Variants in ACTR6 observed in about 807,000 individuals in gnomAD.
The protein encoded by ACTR6 is actin-related protein 6.
In ACTR6, 50 loss-of-function variants were observed where a neutral mutation model predicts 52.5. The observed-to-expected ratio is 0.95, with a 90% CI of 0.76 to 1.20. ACTR6 has a LOEUF of 1.20. ACTR6 is among the 50% of genes most tolerant of loss of function. The pLI is 0.00. For synonymous variants in ACTR6, 135 were observed against 147.2 expected (o/e 0.92, Z 0.60); for missense variants, 344 against 472.4 (o/e 0.73, Z 2.52).
At chr12:100,203,645 CT>C (rs1165148598) in intron 1 of ACTR6, 3,494 of 97,914 alleles carry the variant, frequency 0.036, 11 homozygotes, top group Non-Finnish European at 0.043. Context: ...ACTTGTGAAT[CT>C]TTTTTTTTTT....
intron 1 of ACTR6, among the ~76,000 whole-genome samples, chr12:100,203,072 AG>A (rs2096111215): frequency 6.6e-6 from 1 of 152,232 alleles, no homozygotes; most frequent in Admixed American, 6.5e-5. Context: ...AGTTCAAAAT[AG>A]GGTTCCTGCT....
At chr12:100,208,427 C>T (rs999462713) in intron 4 of ACTR6, among the ~76,000 whole-genome samples, 7 of 150,738 alleles carry the variant, frequency 4.6e-5, no homozygotes, top group African/African-American at 9.7e-5. Flanking sequence ...AGGCGTTCGC[C>T]ACCATGCCTG....
intron 6 of ACTR6, among the ~76,000 whole-genome samples, chr12:100,211,793 T>G (rs1035934617): frequency 6.6e-6 from 1 of 152,046 alleles, no homozygotes; most frequent in Non-Finnish European, 1.5e-5. Flanking sequence ...AAGTTTTTGT[T>G]TATTTTTAAA....
intron 4 of ACTR6, chr12:100,209,036 G>A (rs886348851): frequency 2.8e-5 from 8 of 288,724 alleles, no homozygotes; most frequent in South Asian, 5.9e-5. Flanking sequence ...CATAAGCCAC[G>A]GCTCCAGGCC....
chr12:100,222,415 C>G (rs1424598546), intron 10 of ACTR6, among the ~76,000 whole-genome samples: 2 of 151,910 alleles, frequency 1.3e-5, no homozygotes, highest in Non-Finnish European at 2.9e-5. Flanking sequence ...AGCCACCATG[C>G]CTGGCTAATT....
chr12:100,212,554 T>C, intron 8 of ACTR6, 26 bp downstream of exon 8: 2 of 1,564,986 alleles, frequency 1.3e-6, no homozygotes, highest in South Asian at 1.1e-5. Context: ...CATCAATGGT[T>C]GGTTGCTGCG....
At chr12:100,202,606 T>C (rs980434198) in intron 1 of ACTR6, among the ~76,000 whole-genome samples, 2 of 152,004 alleles carry the variant, frequency 1.3e-5, no homozygotes, top group Non-Finnish European at 2.9e-5. Context: ...TGTAAGCTCA[T>C]GGCAAGCAGC....
chr12:100,201,884 A>G (rs2096109998), intron 1 of ACTR6, among the ~76,000 whole-genome samples: 1 of 151,780 alleles, frequency 6.6e-6, no homozygotes, highest in South Asian at 2.1e-4. Context: ...TGGCCTCCCA[A>G]AGTGCTGGTA....
At chr12:100,210,239 T>A in intron 5 of ACTR6, 31 bp downstream of exon 5, 1 of 1,603,942 alleles carries the variant, frequency 6.2e-7, no homozygotes, top group Non-Finnish European at 8.5e-7. Context: ...ATGTTGTTTC[T>A]AAAGATTAAA....
chr12:100,218,323 T>C lies in ACTR6; in HGVS notation c.751-92T>C. On this transcript the variant is annotated intron_variant, in intron 8 of 10. Coordinates refer to ENST00000188312, the MANE Select transcript of ACTR6 (RefSeq NM_022496.5). This position sits in a 1 kb window ranked among gnomAD's most constrained non-coding sequence, Gnocchi z 4.2. ...AAGAACATTATTAATATATTATTAA[T>C]ATATTATTGCATATATAATTGCATA... is the stretch of plus-strand genomic sequence containing the variant. 3 of 733,854 alleles carry C rather than the reference T, an allele frequency of 4.1e-6. No individual in the cohort carries two copies. Among genetic ancestry groups the C allele is most frequent in the Non-Finnish European group, 5.8e-6 (3 of 516,068 alleles). The allele number at this position is 733,854 out of a possible 1,614,324, so 45.5% of individuals were successfully genotyped here. A position where few individuals can be genotyped will look rare whatever the true frequency, so the allele number is the denominator to read the frequency against.
chr12:100,208,864 A>G (rs751916731), intron 4 of ACTR6: 1 of 443,782 alleles, frequency 2.3e-6, no homozygotes. Context: ...CTCCCGCCTC[A>G]GCCTCCCAAG....
At position 100,208,295 on chromosome 12, in the gene ACTR6, T is replaced by C. The variant is rs1471969401; in HGVS notation, c.379+509T>C. The stretch of plus-strand genomic sequence containing the variant: ...GATTTTTCTTTTTCTTTTTTTTTTT[T>C]CCGAGATGGGGTTCTGGTCTTGTTG... On this transcript the variant is annotated intron_variant, in intron 4 of 10. Coordinates refer to ENST00000188312, the MANE Select transcript of ACTR6 (RefSeq NM_022496.5). Among the ~76,000 whole-genome samples the C allele has an allele frequency of 2.0e-5, 3 of 152,192 alleles. No homozygotes were observed. In the East Asian group the frequency reaches 5.8e-4, roughly 29 times the overall value.
At chr12:100,216,891 A>C (rs963225944) in intron 8 of ACTR6, among the ~76,000 whole-genome samples, 15 of 148,424 alleles carry the variant, frequency 1.0e-4, no homozygotes, top group African/African-American at 3.7e-4. Flanking sequence ...TTCTTCCTGG[A>C]GTATTTGTGA....
chr12:100,202,726 A>G (rs890486904), intron 1 of ACTR6, among the ~76,000 whole-genome samples: 19 of 152,008 alleles, frequency 1.2e-4, no homozygotes, highest in African/African-American at 4.6e-4. Flanking sequence ...GCGTAGTGGC[A>G]GGCGCCTGTA....
intron 8 of ACTR6, among the ~76,000 whole-genome samples, chr12:100,215,274 T>A (rs969776400): frequency 6.6e-6 from 1 of 152,242 alleles, no homozygotes; most frequent in East Asian, 1.9e-4. Flanking sequence ...AAATCTTTCT[T>A]TTTAGAAAAA....
At chr12:100,220,484 T>A (rs896904892) in intron 10 of ACTR6, among the ~76,000 whole-genome samples, 5 of 151,576 alleles carry the variant, frequency 3.3e-5, no homozygotes, top group Non-Finnish European at 7.4e-5. Context: ...CTGAGATGTA[T>A]TATTTATTGA....
At chr12:100,215,142 T>C (rs2096123019) in intron 8 of ACTR6, among the ~76,000 whole-genome samples, 1 of 152,190 alleles carries the variant, frequency 6.6e-6, no homozygotes, top group Non-Finnish European at 1.5e-5. Flanking sequence ...TTGGAATCTC[T>C]TGGGGCACTT....
intron 8 of ACTR6, among the ~76,000 whole-genome samples, chr12:100,217,917 G>A (rs2096125081): frequency 6.6e-6 from 1 of 152,148 alleles, no homozygotes; most frequent in African/African-American, 2.4e-5. Flanking sequence ...TGTGTTCTTT[G>A]TTCCCTAGAA....
chr12:100,208,873 AG>A (rs1216800109), intron 4 of ACTR6: 1 of 440,316 alleles, frequency 2.3e-6, no homozygotes. Context: ...CAGCCTCCCA[AG>A]TAGCTGGGAC....
Sources: allele counts gnomAD v4.1 joint callset (sites outside exome capture counted in the v4.1 genomes callset), GRCh38; gene constraint gnomAD v4.1.1; non-coding constraint Gnocchi (gnomAD v3.1); transcripts MANE v1.5; gene names NCBI Gene and HGNC (gene_info 2026-07-23, HGNC 2026-07-21).